The following ST3GAL6 variants were observed in gnomAD, a reference collection of about 807,000 sequenced individuals.
ST3GAL6 encodes type 2 lactosamine alpha-2,3-sialyltransferase.
Under a neutral mutation model 40.5 loss-of-function variants are expected in ST3GAL6, and 31 were observed. The ratio of observed to expected loss-of-function variants is 0.77; its 90% confidence interval spans 0.58 to 1.03. ST3GAL6 has a LOEUF of 1.03. Among genes scored for constraint, ST3GAL6 ranks in the 50% least tolerant of loss-of-function variants. The probability of loss-of-function intolerance (pLI) is 0.00; values close to 1 mark genes in which losing one functional copy is unlikely to be tolerated. For missense variants in ST3GAL6, 357 were observed against 393.2 expected, an observed-to-expected ratio of 0.91 and a Z score of 0.78; for synonymous variants, 129 against 136.9, an observed-to-expected ratio of 0.94 and a Z score of 0.40.
At chr3:98,750,342 G>T (rs933261016) in intron 1 of ST3GAL6, among the ~76,000 whole-genome samples, 1 of 152,176 alleles carries the variant, frequency 6.6e-6, no homozygotes, top group Non-Finnish European at 1.5e-5. Flanking sequence ...TTGGACATTT[G>T]AATGTGTGGA....
chr3:98,771,928 A>G (rs1939041872), intron 3 of ST3GAL6, among the ~76,000 whole-genome samples: 1 of 152,096 alleles, frequency 6.6e-6, no homozygotes, highest in African/African-American at 2.4e-5. Context: ...AAGAATTTTT[A>G]CCTTTACTAC....
At chr3:98,779,173 G>A (rs1559747536) in intron 5 of ST3GAL6, among the ~76,000 whole-genome samples, 1 of 152,136 alleles carries the variant, frequency 6.6e-6, no homozygotes, top group African/African-American at 2.4e-5. Context: ...TTGTTATCAC[G>A]TGTCAATGTC....
chr3:98,772,895 C>T lies in ST3GAL6; in HGVS notation c.250C>T (p.Pro84Ser). 6.2e-7 allele frequency: 1 copy of T among 1,611,470 alleles called. No homozygotes were observed. The change falls in exon 4 of 10, where the codon CCC becomes TCC. Residue 84 changes from proline to serine, a missense_variant. By Grantham distance (74) the Pro-to-Ser change is moderately conservative. Coordinates refer to ENST00000483910, the MANE Select transcript of ST3GAL6 (RefSeq NM_001323368.2). ...SLYGSDKFDL[P>S]YGMRTSAEYF... Reference sequence around the variant, plus strand: ...GTATGGTAGCGATAAGTTTGATTTGCCCTATGGGATGAGAACATCAGGTCA... The same window carrying T: ...GTATGGTAGCGATAAGTTTGATTTGTCCTATGGGATGAGAACATCAGGTCA...
At position 98,763,514 on chromosome 3, in the gene ST3GAL6, A is replaced by G. The variant is rs955192856; in HGVS notation, c.-12+75A>G. 3.2e-6 allele frequency: 4 copies of G among 1,255,730 alleles called. No homozygotes were observed. The Admixed American group carries it at 9.2e-5, about 29-fold the overall frequency. The allele number at this position is 1,255,730 out of a possible 1,614,324, so 77.8% of individuals were successfully genotyped here. A position where few individuals can be genotyped will look rare whatever the true frequency, so the allele number is the denominator to read the frequency against. ...TCTAGATGCTGCTGAGATATTAGAC[A>G]TTAGGTGCCCACAGGCTGTGTGGAG... On this transcript the variant is annotated intron_variant, in intron 1 of 9. Coordinates refer to ENST00000483910, the MANE Select transcript of ST3GAL6 (RefSeq NM_001323368.2).
intron 9 of ST3GAL6, among the ~76,000 whole-genome samples, chr3:98,792,707 T>A (rs1353122849): frequency 6.8e-6 from 1 of 146,368 alleles, no homozygotes; most frequent in Non-Finnish European, 1.5e-5. Context: ...TTTGTAGAGA[T>A]GAGTTTTTGC....
chr3:98,757,418 G>A (rs1392426888), intron 1 of ST3GAL6, among the ~76,000 whole-genome samples: 1 of 152,172 alleles, frequency 6.6e-6, no homozygotes, highest in African/African-American at 2.4e-5. Context: ...CACTGGACTT[G>A]CAGAACTCTT....
intron 5 of ST3GAL6, among the ~76,000 whole-genome samples, chr3:98,776,486 G>A (rs1023096541): frequency 1.3e-5 from 2 of 152,226 alleles, no homozygotes; most frequent in Non-Finnish European, 2.9e-5. Context: ...GAATTTGTGA[G>A]CTGGGCCCAC....
intron 8 of ST3GAL6, among the ~76,000 whole-genome samples, chr3:98,788,666 T>TG (rs1204795337): frequency 8.1e-6 from 1 of 122,772 alleles, no homozygotes; most frequent in Non-Finnish European, 1.9e-5. Flanking sequence ...AATTTTAAGT[T>TG]GGGTTTTTTT....
intron 3 of ST3GAL6, chr3:98,772,178 A>C (rs1453772883): frequency 2.0e-5 from 3 of 152,256 alleles, no homozygotes; most frequent in African/African-American, 7.2e-5. Flanking sequence ...TGTAAGCGAC[A>C]GGTAGATTTA....
At chr3:98,786,751 G>A (rs1331573037) in intron 6 of ST3GAL6, among the ~76,000 whole-genome samples, 1 of 151,460 alleles carries the variant, frequency 6.6e-6, no homozygotes, top group Non-Finnish European at 1.5e-5. Context: ...GTTAACTGGT[G>A]GAAATGAGAA....
At chr3:98,787,591 C>T (rs1382068215) in intron 6 of ST3GAL6, among the ~76,000 whole-genome samples, 1 of 152,116 alleles carries the variant, frequency 6.6e-6, no homozygotes. Context: ...TTTGATGGGT[C>T]TTTAAACCAA....
exon 1 of ST3GAL6, chr3:98,732,487 C>G (rs1349068498): frequency 5.2e-6 from 1 of 191,958 alleles, no homozygotes; most frequent in Non-Finnish European, 1.1e-5. Flanking sequence ...TTTCCGGTCC[C>G]GGCGCCCGGC....
intron 1 of ST3GAL6, among the ~76,000 whole-genome samples, chr3:98,743,908 C>CG (rs967606025): frequency 6.0e-5 from 9 of 150,438 alleles, no homozygotes; most frequent in African/African-American, 2.2e-4. Flanking sequence ...CCCTCCCCCC[C>CG]CCGCTCCAAG....
chr3:98,745,875 G>A (rs1425103208), intron 1 of ST3GAL6, among the ~76,000 whole-genome samples: 1 of 152,076 alleles, frequency 6.6e-6, no homozygotes, highest in Non-Finnish European at 1.5e-5. Context: ...TAGAGCAAGG[G>A]GTTATGTGTA....
chr3:98,793,784 G>GC lies in ST3GAL6; in HGVS notation c.*24dup, dbSNP rs1427481988. 1 of 1,461,382 alleles carries GC rather than the reference G, an allele frequency of 6.8e-7. No homozygotes were observed. Among genetic ancestry groups the GC allele is most frequent in the African/African-American group, 1.4e-5 (1 of 70,180 alleles). The allele number at this position is 1,461,382 out of a possible 1,614,324, so 90.5% of individuals were successfully genotyped here. On this transcript the variant is annotated 3_prime_UTR_variant, in exon 10 of 10. Coordinates refer to ENST00000483910, the MANE Select transcript of ST3GAL6 (RefSeq NM_001323368.2). ...TGACTCTACAGACTCAGAAGATGAT[G>GC]CTAACAGTGTTAGTTTTATTTTTGT... is the stretch of plus-strand genomic sequence containing the variant.
At chr3:98,747,252 T>C (rs1936632672) in intron 1 of ST3GAL6, among the ~76,000 whole-genome samples, 1 of 152,226 alleles carries the variant, frequency 6.6e-6, no homozygotes, top group South Asian at 2.1e-4. Context: ...ATTTTCTGCA[T>C]CTACTTTCTC....
At chr3:98,739,896 G>C (rs1439867454) in intron 1 of ST3GAL6, among the ~76,000 whole-genome samples, 1 of 152,146 alleles carries the variant, frequency 6.6e-6, no homozygotes, top group East Asian at 1.9e-4. Flanking sequence ...TTTTAGAACA[G>C]CAATTAAATG....
At chr3:98,766,074 G>C (rs1012950279) in intron 1 of ST3GAL6, among the ~76,000 whole-genome samples, 8 of 152,158 alleles carry the variant, frequency 5.3e-5, no homozygotes, top group African/African-American at 1.7e-4. Flanking sequence ...TTCAGGTGGC[G>C]TGTGCAGTAG....
chr3:98,739,388 CAAAA>C (rs371291503), intron 1 of ST3GAL6, among the ~76,000 whole-genome samples: 6 of 125,940 alleles, frequency 4.8e-5, no homozygotes, highest in East Asian at 2.4e-4. Context: ...AACAAACAAA[CAAAA>C]AAAAAACCCC....
Sources: allele counts gnomAD v4.1 joint callset (sites outside exome capture counted in the v4.1 genomes callset), GRCh38; gene constraint gnomAD v4.1.1; transcripts MANE v1.5; gene names NCBI Gene and HGNC (gene_info 2026-07-23, HGNC 2026-07-21).